The following MAST2 variants were observed in gnomAD, a reference collection of about 807,000 sequenced individuals.
MAST2 encodes microtubule associated serine/threonine kinase 2.
A neutral mutation model predicts 147.4 loss-of-function variants in MAST2; 70 were observed. The ratio of observed to expected loss-of-function variants is 0.47; its 90% CI spans 0.39 to 0.58. The LOEUF (loss-of-function observed/expected upper bound fraction) is 0.58. Among genes scored for constraint, MAST2 ranks in the 20% least tolerant of loss-of-function variants. MAST2 has a pLI of 0.00. For missense variants in MAST2, 2,080 were observed against 2,302.3 expected (o/e 0.90, Z 1.98); for synonymous variants, 869 against 896.8 (o/e 0.97, Z 0.55).
intron 2 of MAST2, among the ~76,000 whole-genome samples, chr1:45,828,815 T>C (rs1644867937): frequency 6.6e-6 from 1 of 151,948 alleles, no homozygotes; most frequent in South Asian, 2.1e-4. Context: ...TCCCAGCTAC[T>C]CAGGAGGCTG....
chr1:46,034,007 GC>G, intron 27 of MAST2, 65 bp from the exon 28 acceptor site: 1 of 1,605,980 alleles, frequency 6.2e-7, no homozygotes, highest in South Asian at 1.1e-5. Flanking sequence ...GGGTGCCTTG[GC>G]CCTGGGGGTC....
At chr1:45,920,038 G>A (rs1171346812) in intron 4 of MAST2, among the ~76,000 whole-genome samples, 1 of 152,098 alleles carries the variant, frequency 6.6e-6, no homozygotes, top group Non-Finnish European at 1.5e-5. Context: ...GGTGAGACCA[G>A]GGCAGCACTT....
chr1:45,913,815 T>G, intron 4 of MAST2: 1 of 1,190,518 alleles, frequency 8.4e-7, no homozygotes. Flanking sequence ...GGGCAAAACT[T>G]GAGTAGCCAG....
chr1:45,935,356 C>T (rs1183996650), intron 4 of MAST2, among the ~76,000 whole-genome samples: 1 of 152,150 alleles, frequency 6.6e-6, no homozygotes, highest in African/African-American at 2.4e-5. Flanking sequence ...TCTGTTTACT[C>T]TGTTGATAAT....
rs200705901 is a variant in MAST2, at chr1:46,035,586, C to T, written c.4917C>T (p.Pro1639=). The change falls in exon 29 of 29, where the codon CCC becomes CCT. Residue 1639 remains proline (P), a synonymous_variant. Transcript: ENST00000361297. The surrounding 1 kb of genome is among the most constrained non-coding windows in gnomAD (Gnocchi z 5.5). The part of the protein sequence containing the change: ...ALSPSTSGLT[P]TSSCSPPSST... ...CTCCCAGCACTTCGGGACTCACCCC[C>T]ACCAGCAGTTGCTCTCCTCCCAGCT... 4.9e-3 allele frequency: 7,853 copies of T among 1,613,798 alleles called. 28 individuals carry two copies. The highest frequency in any genetic ancestry group is 6.3e-3 in the Non-Finnish European group (7,414 of 1,180,022).
intron 4 of MAST2, among the ~76,000 whole-genome samples, chr1:45,891,872 G>A (rs56278140): frequency 0.2 from 30,444 of 151,946 alleles, 3,571 homozygotes; most frequent in Non-Finnish European, 0.26. Context: ...TTTGTATTTT[G>A]AGGCTAGGAA....
chr1:45,960,085 A>T (rs1263272775), intron 5 of MAST2, among the ~76,000 whole-genome samples: 1 of 152,170 alleles, frequency 6.6e-6, no homozygotes, highest in African/African-American at 2.4e-5. Flanking sequence ...TATTTGTTTC[A>T]TAATGATACT....
At chr1:45,902,890 A>G (rs1650019468) in intron 4 of MAST2, among the ~76,000 whole-genome samples, 1 of 152,028 alleles carries the variant, frequency 6.6e-6, no homozygotes, top group South Asian at 2.1e-4. Flanking sequence ...TAATCTACCT[A>G]GCAGTTTAAC....
At chr1:45,873,220 G>T (rs1265626717) in intron 3 of MAST2, among the ~76,000 whole-genome samples, 2 of 150,878 alleles carry the variant, frequency 1.3e-5, no homozygotes, top group African/African-American at 4.9e-5. Flanking sequence ...TTGAGACAGG[G>T]TCTTGCTCTG....
intron 1 of MAST2, among the ~76,000 whole-genome samples, chr1:45,807,259 TTG>T (rs1450833975): frequency 3.9e-5 from 6 of 152,344 alleles, no homozygotes; most frequent in Admixed American, 3.9e-4. Flanking sequence ...TGTCTTTGTC[TTG>T]TGTTTTCTCT....
chr1:46,004,879 C>G (rs1355887814), intron 7 of MAST2, among the ~76,000 whole-genome samples: 1 of 152,106 alleles, frequency 6.6e-6, no homozygotes, highest in Non-Finnish European at 1.5e-5. Context: ...AAAAGACCAG[C>G]CTGGACAACA....
intron 5 of MAST2, among the ~76,000 whole-genome samples, chr1:45,971,441 C>T (rs1361812150): frequency 6.6e-6 from 1 of 152,186 alleles, no homozygotes; most frequent in Non-Finnish European, 1.5e-5. Flanking sequence ...AGGCCTGGAG[C>T]ACACAGTATC....
At chr1:45,928,475 A>C (rs887427419) in intron 4 of MAST2, among the ~76,000 whole-genome samples, 1 of 152,204 alleles carries the variant, frequency 6.6e-6, no homozygotes, top group African/African-American at 2.4e-5. Context: ...TAAACTAGGA[A>C]ATTTTATATA....
chr1:45,846,707 C>A (rs1424118218), intron 3 of MAST2, among the ~76,000 whole-genome samples: 1 of 151,916 alleles, frequency 6.6e-6, no homozygotes, highest in Non-Finnish European at 1.5e-5. Flanking sequence ...TACCTGTAAT[C>A]CTAGCTACCT....
intron 1 of MAST2, among the ~76,000 whole-genome samples, chr1:45,822,866 A>G (rs753760949): frequency 1.3e-5 from 2 of 152,188 alleles, no homozygotes; most frequent in Non-Finnish European, 2.9e-5. Flanking sequence ...AAATAGTGCA[A>G]ATACAAGCTG....
chr1:45,836,048 A>G (rs560922775), intron 3 of MAST2, among the ~76,000 whole-genome samples: 1 of 152,146 alleles, frequency 6.6e-6, no homozygotes, highest in African/African-American at 2.4e-5. Context: ...GCCATTGTGA[A>G]TAGTACTGCT....
chr1:45,891,665 T>A (rs1647812612), intron 4 of MAST2, among the ~76,000 whole-genome samples: 1 of 152,134 alleles, frequency 6.6e-6, no homozygotes, highest in South Asian at 2.1e-4. Context: ...CAATTTTTTT[T>A]TTTATAATCT....
At chr1:45,868,461 T>C (rs1340503424) in intron 3 of MAST2, among the ~76,000 whole-genome samples, 1 of 152,176 alleles carries the variant, frequency 6.6e-6, no homozygotes, top group East Asian at 1.9e-4. Context: ...GAATTGAAAA[T>C]ATTTGTTGTG....
At chr1:45,854,336 CA>C (rs61252218) in intron 3 of MAST2, among the ~76,000 whole-genome samples, 95,891 of 128,748 alleles carry the variant, frequency 0.74, 34,500 homozygotes, top group African/African-American at 0.82. Flanking sequence ...CCCTCTGTCT[CA>C]AAAAAAAAAA....
Sources: allele counts gnomAD v4.1 joint callset (sites outside exome capture counted in the v4.1 genomes callset), GRCh38; gene constraint gnomAD v4.1.1; non-coding constraint Gnocchi (gnomAD v3.1); transcripts MANE v1.5; gene names NCBI Gene and HGNC (gene_info 2026-07-23, HGNC 2026-07-21).